The following OCLN variants were observed in gnomAD, a reference collection of about 807,000 sequenced individuals.
The protein encoded by OCLN is occludin.
A neutral mutation model predicts 47.9 loss-of-function variants in OCLN; 21 were observed. That is an observed-to-expected ratio of 0.44 (90% CI 0.31 to 0.63). The LOEUF is 0.63. OCLN is among the 30% of genes least tolerant of loss of function. The pLI is 0.08. For synonymous variants in OCLN, 117 were observed against 198.4 expected, an observed-to-expected ratio of 0.59 and a Z score of 3.45; for missense variants, 360 against 571.0, an observed-to-expected ratio of 0.63 and a Z score of 3.77.
At position 69,553,739 on chromosome 5, in the gene OCLN, T is replaced by C; in HGVS notation, c.*68T>C. On this transcript the variant is annotated 3_prime_UTR_variant, in exon 9 of 9. Coordinates refer to ENST00000396442, the MANE Select transcript of OCLN (RefSeq NM_001205254.2). ...CTCTGCAATCTTCTCAGAAGGCAAA[T>C]GACTTTGGACCATAACCCCGGAAGC... The C allele has an allele frequency of 1.3e-6, 2 of 1,597,994 alleles. No individual in the cohort carries two copies. Among genetic ancestry groups the C allele is most frequent in the African/African-American group, 1.3e-5 (1 of 74,578 alleles).
At chr5:69,526,297 T>C (rs1310243189) in intron 4 of OCLN, among the ~76,000 whole-genome samples, 2 of 152,194 alleles carry the variant, frequency 1.3e-5, no homozygotes, top group African/African-American at 2.4e-5. Context: ...AAGCAAGTTA[T>C]CATTACATCA....
Sources: gnomAD v4.1 joint callset for allele counts (sites outside exome capture counted in the v4.1 genomes callset) on GRCh38, gnomAD v4.1.1 for gene constraint, MANE v1.5 for transcripts, NCBI Gene and HGNC (gene_info 2026-07-23, HGNC 2026-07-21) for gene names.